Variants in ARGFX observed in about 807,000 individuals in gnomAD.
The protein encoded by ARGFX is arginine-fifty homeobox.
ARGFX carries 10 observed loss-of-function variants against 8.0 expected under a neutral mutation model. That is an observed-to-expected ratio of 1.25 (90% CI 0.77 to 2.12). The LOEUF (loss-of-function observed/expected upper bound fraction) is 2.12, where lower values mean the gene tolerates loss of function less well. Ranked by LOEUF, ARGFX falls within the 30% of genes most tolerant of loss-of-function variation. The pLI, the probability that ARGFX is intolerant of heterozygous loss-of-function variation, is 0.00. For missense variants in ARGFX, 282 were observed against 324.3 expected (o/e 0.87, Z 1.00); for synonymous variants, 116 against 117.8 (o/e 0.98, Z 0.10).
At chr3:121,578,468 T>C (rs1242931224) in intron 3 of ARGFX, among the ~76,000 whole-genome samples, 3 of 151,928 alleles carry the variant, frequency 2.0e-5, no homozygotes, top group African/African-American at 7.3e-5. Flanking sequence ...GTGGGCTGGG[T>C]GTGGTGGCTT....
At position 121,588,689 on chromosome 3, in the gene ARGFX, C is replaced by T. The variant is rs867360115; in HGVS notation, c.*2089C>T. ...ATCCCAGCACGTTGGGAGGCCAAGG[C>T]GGGCAGATCACGAGGTCAAGAGATC... On this transcript the variant is annotated 3_prime_UTR_variant, in exon 5 of 5. Transcript: ENST00000334384. Among the ~76,000 whole-genome samples the T allele has an allele frequency of 1.5e-4, 23 of 151,178 alleles. 2 individuals are homozygous for T. The highest frequency in any genetic ancestry group is 3.4e-3 in the Middle Eastern group (1 of 294).
In ARGFX at chr3:121,590,471, T is replaced by TTC. The variant is rs550236411; in HGVS notation, c.*3883_*3884dup. On this transcript the variant is annotated 3_prime_UTR_variant, in exon 5 of 5. Transcript: ENST00000334384. ...TTTATCCCCACCCCCACCTCTATCT[T>TTC]TCTCTCTCTCTCTTACCTCCTCCTC... is the stretch of plus-strand genomic sequence containing the variant. Among the ~76,000 whole-genome samples the TTC allele has an allele frequency of 4.8e-4, 72 of 149,602 alleles. No homozygotes were observed. The highest frequency in any genetic ancestry group is 4.6e-3 in the Admixed American group (69 of 14,990).
chr3:121,572,021 G>T (rs1282963205), intron 2 of ARGFX, among the ~76,000 whole-genome samples: 2 of 151,428 alleles, frequency 1.3e-5, no homozygotes, highest in Non-Finnish European at 2.9e-5. Context: ...AGTAGAGAAG[G>T]GGTTTCACCG....
At position 121,586,080 on chromosome 3, in the gene ARGFX, A is replaced by G. The variant is rs779978437; in HGVS notation, c.428A>G (p.Lys143Arg). 4 of 1,599,982 alleles carry G rather than the reference A, an allele frequency of 2.5e-6. No individual in the cohort carries two copies. The South Asian group carries it at 4.5e-5, about 18-fold the overall frequency. ...LKKQQQQQSA[K>R]QRNQILPSKK... ...AAGCAGCAGCAGCAGCAATCAGCAA[A>G]GCAACGAAACCAGATCCTTCCATCC... Residue 143 changes from lysine (K) to arginine (R), a missense_variant, in exon 5 of 5, where the codon AAG (lysine) becomes AGG (arginine). Coordinates refer to ENST00000334384, the MANE Select transcript of ARGFX (RefSeq NM_001012659.2).
intron 3 of ARGFX, among the ~76,000 whole-genome samples, chr3:121,577,259 A>ATATATTTTTTTT (rs1403064031): frequency 5.0e-5 from 3 of 59,624 alleles, no homozygotes; most frequent in African/African-American, 1.2e-4. Flanking sequence ...ATATATATAT[A>ATATATTTTTTTT]TTTTTTTTTT....
At chr3:121,583,025 AT>A (rs35823830) in intron 3 of ARGFX, among the ~76,000 whole-genome samples, 24,850 of 108,106 alleles carry the variant, frequency 0.23, 1,583 homozygotes, top group African/African-American at 0.29. Flanking sequence ...TAATTGCGGG[AT>A]TTTTTTTTTT....
intron 3 of ARGFX, among the ~76,000 whole-genome samples, chr3:121,578,909 C>T (rs1021085400): frequency 1.3e-5 from 2 of 151,378 alleles, no homozygotes; most frequent in Non-Finnish European, 2.9e-5. Context: ...GTTCTCCTGA[C>T]CTCGTGATCC....
chr3:121,586,142 A>G lies in ARGFX; in HGVS notation c.490A>G (p.Ser164Gly), dbSNP rs2048811420. 1 of 1,613,438 alleles carries G rather than the reference A, an allele frequency of 6.2e-7. No individual in the cohort carries two copies. The highest frequency in any genetic ancestry group is 8.5e-7 in the Non-Finnish European group (1 of 1,179,850). ...GCCCACCTCCCCCAGAACATCCCCC[A>G]GTCCTTATGCTTTTTCTCCTGTGAT... Reference protein sequence around the residue: ...NVPTSPRTSPSPYAFSPVISD... With the variant: ...NVPTSPRTSPGPYAFSPVISD... Residue 164 changes from serine (S) to glycine (G), a missense_variant, in exon 5 of 5, where the codon AGT becomes GGT. Coordinates refer to ENST00000334384, the MANE Select transcript of ARGFX (RefSeq NM_001012659.2).
In ARGFX at chr3:121,588,266, G is replaced by C. The variant is rs1276415130; in HGVS notation, c.*1666G>C. ...GCGGATCACGAGGTCAGGAGATTGA[G>C]ACCAGCCTGACTAACATGGTGAAAT... On this transcript the variant is annotated 3_prime_UTR_variant, in exon 5 of 5. Coordinates refer to ENST00000334384, the MANE Select transcript of ARGFX (RefSeq NM_001012659.2). Among the ~76,000 whole-genome samples the C allele has an allele frequency of 6.6e-5, 9 of 135,984 alleles. No individual in the cohort carries two copies. The Admixed American group carries it at 7.4e-4, about 11-fold the overall frequency. 89.2% of individuals were successfully genotyped at this position (135,984 alleles called of 152,430 possible). A position where few individuals can be genotyped will look rare whatever the true frequency, so the allele number is the denominator to read the frequency against.
chr3:121,587,667 G>T lies in ARGFX; in HGVS notation c.*1067G>T, dbSNP rs916827627. On this transcript the variant is annotated 3_prime_UTR_variant, in exon 5 of 5. Transcript: ENST00000334384. ...GTTTCCAATTTTTCATTTTTTGTTT[G>T]TTATTTGTTTTTTGTAGACAGCACT... Among the ~76,000 whole-genome samples the T allele has an allele frequency of 6.6e-5, 10 of 151,632 alleles. No homozygotes were observed. The highest frequency in any genetic ancestry group is 2.4e-4 in the African/African-American group (10 of 41,258).
At position 121,584,830 on chromosome 3, in the gene ARGFX, ATTTGTTTTTTGGTT is replaced by A; in HGVS notation, c.221-76_221-63del. ...AAGGCATGAGAGATTCACCATGGTG[ATTTGTTTTTTGGTT>A]TTTGTTTTTTTGGTTGGGGGGAGAG... is the stretch of plus-strand genomic sequence containing the variant. On this transcript the variant is annotated intron_variant, in intron 3 of 4. Coordinates refer to ENST00000334384, the MANE Select transcript of ARGFX (RefSeq NM_001012659.2). The A allele has an allele frequency of 2.8e-6, 4 of 1,453,280 alleles. No homozygotes were observed. In the South Asian group the frequency reaches 3.9e-5, roughly 14 times the overall value. 90.0% of individuals were successfully genotyped at this position (1,453,280 alleles called of 1,614,324 possible).
intron 3 of ARGFX, among the ~76,000 whole-genome samples, chr3:121,581,237 G>A (rs535734034): frequency 6.6e-6 from 1 of 152,308 alleles, no homozygotes; most frequent in African/African-American, 2.4e-5. Context: ...TTACAGGTGT[G>A]AGCCACCATG....
At chr3:121,568,465 G>A (rs1251044489) in intron 1 of ARGFX, among the ~76,000 whole-genome samples, 2 of 152,234 alleles carry the variant, frequency 1.3e-5, no homozygotes, top group Non-Finnish European at 2.9e-5. Context: ...GCTCTTGATA[G>A]CCTCGATCAG....
At chr3:121,571,730 A>ATTTTTTTTTTTTTTTTTT (rs1173636701) in intron 2 of ARGFX, among the ~76,000 whole-genome samples, 3 of 107,100 alleles carry the variant, frequency 2.8e-5, no homozygotes, top group Non-Finnish European at 5.4e-5. Flanking sequence ...TGCCCGGCAA[A>ATTTTTTTTTTTTTTTTTT]TTTTTTTTTT....
chr3:121,587,238 G>A lies in ARGFX; in HGVS notation c.*638G>A, dbSNP rs2048817853. Among the ~76,000 whole-genome samples, 1 of 152,090 alleles carries A rather than the reference G, an allele frequency of 6.6e-6. No individual in the cohort carries two copies. The highest frequency in any genetic ancestry group is 2.4e-5 in the African/African-American group (1 of 41,410). On this transcript the variant is annotated 3_prime_UTR_variant, in exon 5 of 5. Coordinates refer to ENST00000334384, the MANE Select transcript of ARGFX (RefSeq NM_001012659.2). ...GGCTAACTTTTGTATTTTTAGTAGA[G>A]ACGGGGTTTCACCACGTTGCCCAGG...
At chr3:121,573,309 T>C (rs886186451) in intron 2 of ARGFX, among the ~76,000 whole-genome samples, 19 of 151,826 alleles carry the variant, frequency 1.3e-4, no homozygotes, top group African/African-American at 4.6e-4. Context: ...GGTGAAACCC[T>C]GTCTCTACTA....
intron 3 of ARGFX, among the ~76,000 whole-genome samples, chr3:121,577,259 A>ATATATATTT (rs1403064031): frequency 1.4e-3 from 85 of 59,578 alleles, no homozygotes; most frequent in East Asian, 7.6e-3. Context: ...ATATATATAT[A>ATATATATTT]TTTTTTTTTT....
intron 3 of ARGFX, among the ~76,000 whole-genome samples, chr3:121,578,212 C>G (rs958588570): frequency 1.3e-5 from 2 of 151,238 alleles, no homozygotes; most frequent in Admixed American, 6.6e-5. Context: ...CTGCAACCTC[C>G]TGCCTCCCAG....
At chr3:121,572,053 A>G (rs571040706) in intron 2 of ARGFX, among the ~76,000 whole-genome samples, 4 of 151,536 alleles carry the variant, frequency 2.6e-5, no homozygotes, top group African/African-American at 9.7e-5. Context: ...ATGGTCTAGG[A>G]TCTCCTGACC....
Sources: gnomAD v4.1 joint callset for allele counts (sites outside exome capture counted in the v4.1 genomes callset) on GRCh38, gnomAD v4.1.1 for gene constraint, MANE v1.5 for transcripts, NCBI Gene and HGNC (gene_info 2026-07-23, HGNC 2026-07-21) for gene names.